Variants in PCDHGB4 observed in about 807,000 individuals in gnomAD.
PCDHGB4 encodes protocadherin gamma-B4.
Under a neutral mutation model 60.5 loss-of-function variants are expected in PCDHGB4, and 38 were observed. That is an observed-to-expected ratio of 0.63 (90% CI 0.48 to 0.82). The LOEUF (loss-of-function observed/expected upper bound fraction) is 0.82, where lower values mean the gene tolerates loss of function less well. PCDHGB4 is among the 40% of genes least tolerant of loss of function. The probability of loss-of-function intolerance (pLI) is 0.00; values close to 1 mark genes in which losing one functional copy is unlikely to be tolerated. For missense variants in PCDHGB4, 1,109 were observed against 1,209.6 expected (o/e 0.92, Z 1.23); for synonymous variants, 456 against 509.7 (o/e 0.89, Z 1.42).
intron 3 of PCDHGB4, among the ~76,000 whole-genome samples, chr5:141,507,891 C>A (rs1031803854): frequency 6.6e-6 from 1 of 152,208 alleles, no homozygotes; most frequent in African/African-American, 2.4e-5. Flanking sequence ...AGAGAGGTTC[C>A]TGAAGTCCAG....
Position 141,394,604 on chromosome 5 carries a change from C to T in PCDHGB4, c.2397+4323C>T, listed in dbSNP as rs1589234871. On this transcript the variant is annotated intron_variant, in intron 1 of 3. Transcript: ENST00000519479. ...CCAAGGTGGTGGCGGTGGACAGAGA[C>T]TCGGGCCAGAACGCCTGGCTGTCCT... is the stretch of plus-strand genomic sequence containing the variant. 10 of 1,613,590 alleles carry T rather than the reference C, an allele frequency of 6.2e-6. No homozygotes were observed. The East Asian group carries it at 2.0e-4, about 32-fold the overall frequency.
At chr5:141,478,483 G>A in intron 1 of PCDHGB4, 13 of 1,613,548 alleles carry the variant, frequency 8.1e-6, no homozygotes, top group Non-Finnish European at 1.1e-5. Flanking sequence ...AGAACACGCT[G>A]CGGAGCTGTG....
chr5:141,433,921 T>G (rs1203867326), intron 1 of PCDHGB4, among the ~76,000 whole-genome samples: 2 of 152,012 alleles, frequency 1.3e-5, no homozygotes, highest in African/African-American at 4.8e-5. Flanking sequence ...CACCTCCAAA[T>G]GAAGATTTTA....
rs1335023784 is a variant in PCDHGB4 at position 141,490,877 on chromosome 5, C to CCAA, written c.2398-3927_2398-3925dup. 2.5e-6 allele frequency: 4 copies of CCAA among 1,613,762 alleles called. No homozygotes were observed. Among genetic ancestry groups the CCAA allele is most frequent in the Non-Finnish European group, 3.4e-6 (4 of 1,179,908 alleles). On this transcript the variant is annotated intron_variant, in intron 1 of 3. Transcript: ENST00000519479. This position sits in a 1 kb window ranked among gnomAD's most constrained non-coding sequence, Gnocchi z 5.4. ...GACTCCGGCTCTCCCCCATTGCATG[C>CCAA]CAACACATCTCTGCATGTGTTTGTC...
Position 141,489,407 on chromosome 5 carries a change from T to C in PCDHGB4, c.2398-5400T>C. On this transcript the variant is annotated intron_variant, in intron 1 of 3. Transcript: ENST00000519479. This position sits in a 1 kb window ranked among gnomAD's most constrained non-coding sequence, Gnocchi z 4.5. ...GTTGCTCAGGATCTGGGCTTAAAGA[T>C]GACAGATCTGTTGAGCCGGCGGCTG... 6.2e-7 allele frequency: 1 copy of C among 1,614,140 alleles called. No individual in the cohort carries two copies.
Position 141,511,035 on chromosome 5 carries a change from C to A in PCDHGB4, c.2634C>A (p.His878Gln). Residue 878 changes from histidine to glutamine, a missense_variant, in exon 4 of 4, where the codon CAC becomes CAA. Physicochemically the swap from His to Gln is conservative, Grantham distance 24 (BLOSUM62 0). Transcript: ENST00000519479. The stretch of plus-strand genomic sequence containing the variant: ...ACGGACCCCAGTTCACCCTGCAGCA[C>A]GTGCCCGACTACCGCCAGAATGTCT... ...ARYGPQFTLQ[H>Q]VPDYRQNVYI... 2 of 1,614,208 alleles carry A rather than the reference C, an allele frequency of 1.2e-6. No individual in the cohort carries two copies. The highest frequency in any genetic ancestry group is 1.1e-5 in the South Asian group (1 of 91,088).
Position 141,476,500 on chromosome 5 carries a change from C to A in PCDHGB4, c.2398-18307C>A. The A allele has an allele frequency of 6.2e-7, 1 of 1,613,874 alleles. No homozygotes were observed. The highest frequency in any genetic ancestry group is 8.5e-7 in the Non-Finnish European group (1 of 1,179,950). ...GCGTGGAAGTGGTGATCCAGGACAT[C>A]AACGACAACAATCCTGCTTTCCCTA... On this transcript the variant is annotated intron_variant, in intron 1 of 3. Coordinates refer to ENST00000519479, the MANE Select transcript of PCDHGB4 (RefSeq NM_003736.4). The surrounding 1 kb of genome is among the most constrained non-coding windows in gnomAD (Gnocchi z 7.6).
At position 141,508,670 on chromosome 5, in the gene PCDHGB4, C is replaced by A. The variant is rs184838473; in HGVS notation, c.2546-2277C>A. The stretch of plus-strand genomic sequence containing the variant: ...GGCCCTTCCTGTCATTCTGTCTCTG[C>A]CTCCCTTCTCCCTGCTTCTCCGTGT... On this transcript the variant is annotated intron_variant, in intron 3 of 3. Coordinates refer to ENST00000519479, the MANE Select transcript of PCDHGB4 (RefSeq NM_003736.4). Among the ~76,000 whole-genome samples the A allele has an allele frequency of 3.7e-3, 564 of 152,202 alleles. 5 individuals are homozygous for A. The highest frequency in any genetic ancestry group is 0.011 in the Admixed American group (164 of 15,294).
intron 1 of PCDHGB4, among the ~76,000 whole-genome samples, chr5:141,406,795 C>G (rs1277584347): frequency 6.6e-6 from 1 of 152,204 alleles, no homozygotes; most frequent in African/African-American, 2.4e-5. Context: ...TTATTTCTGG[C>G]TCAATTCTCC....
chr5:141,414,184 G>C (rs1228749194), intron 1 of PCDHGB4: 3 of 1,609,416 alleles, frequency 1.9e-6, no homozygotes, highest in Non-Finnish European at 2.5e-6. Flanking sequence ...AACTGCAAAA[G>C]TGTTGATTAC....
At chr5:141,395,926 A>G (rs2093327122) in intron 1 of PCDHGB4, 1 of 152,218 alleles carries the variant, frequency 6.6e-6, no homozygotes, top group South Asian at 2.1e-4. Flanking sequence ...TCTAAAGCCT[A>G]GAATGTCCAT....
intron 1 of PCDHGB4, among the ~76,000 whole-genome samples, chr5:141,445,738 T>G (rs553879167): frequency 9.9e-5 from 15 of 152,122 alleles, no homozygotes; most frequent in Non-Finnish European, 1.9e-4. Context: ...AAAGATCTTT[T>G]TAAAAAATAA....
Position 141,490,481 on chromosome 5 carries a change from G to A in PCDHGB4, c.2398-4326G>A, listed in dbSNP as rs771164683. 8.7e-6 allele frequency: 14 copies of A among 1,614,060 alleles called. No homozygotes were observed. The highest frequency in any genetic ancestry group is 4.0e-5 in the African/African-American group (3 of 74,928). ...CTGCTAACCAGCCAGCCTTTGGACCGGGAGGCCACATCCCACTATATCATC... is the reference window on the plus strand; with the variant it reads ...CTGCTAACCAGCCAGCCTTTGGACCAGGAGGCCACATCCCACTATATCATC... On this transcript the variant is annotated intron_variant, in intron 1 of 3. Transcript: ENST00000519479. The surrounding 1 kb of genome is among the most constrained non-coding windows in gnomAD (Gnocchi z 5.4).
rs762783104 is a variant in PCDHGB4 at position 141,485,601 on chromosome 5, G to A, written c.2398-9206G>A. 4.3e-6 allele frequency: 7 copies of A among 1,612,290 alleles called. No homozygotes were observed. The highest frequency in any genetic ancestry group is 5.9e-6 in the Non-Finnish European group (7 of 1,178,722). On this transcript the variant is annotated intron_variant, in intron 1 of 3. Transcript: ENST00000519479. The surrounding 1 kb of genome is among the most constrained non-coding windows in gnomAD (Gnocchi z 5.7). ...CGGCAGCAGCTGGACTTGGAAATTG[G>A]GGAGGCAGCTCCTCCAGGACAGCGT...
At position 141,487,550 on chromosome 5, in the gene PCDHGB4, G is replaced by A. The variant is rs762537798; in HGVS notation, c.2398-7257G>A. 1 of 1,614,160 alleles carries A rather than the reference G, an allele frequency of 6.2e-7. No individual in the cohort carries two copies. The highest frequency in any genetic ancestry group is 1.1e-5 in the South Asian group (1 of 91,082). ...CTTCATGATGGTGAAGTCACCCAGT[G>A]CACCTATGGCAGGGGAGCCTGTTCG... On this transcript the variant is annotated intron_variant, in intron 1 of 3. Transcript: ENST00000519479. The surrounding 1 kb of genome is among the most constrained non-coding windows in gnomAD (Gnocchi z 5.0).
chr5:141,505,618 A>G, intron 3 of PCDHGB4, 137 bp downstream of exon 3: 6 of 1,496,136 alleles, frequency 4.0e-6, no homozygotes, highest in Non-Finnish European at 5.4e-6. Flanking sequence ...GAAAGGACCC[A>G]CAATTCCAAA....
rs778052844 is a variant in PCDHGB4, at chr5:141,486,259, T to C, written c.2398-8548T>C. ...CAGAGCTTGGAACCCTCCCCGAGAG[T>C]GCAGAACCTGGCACTGTGGTGGCAC... is the stretch of plus-strand genomic sequence containing the variant. On this transcript the variant is annotated intron_variant, in intron 1 of 3. Coordinates refer to ENST00000519479, the MANE Select transcript of PCDHGB4 (RefSeq NM_003736.4). This position sits in a 1 kb window ranked among gnomAD's most constrained non-coding sequence, Gnocchi z 5.0. 1 of 1,613,204 alleles carries C rather than the reference T, an allele frequency of 6.2e-7. No individual in the cohort carries two copies. The highest frequency in any genetic ancestry group is 8.5e-7 in the Non-Finnish European group (1 of 1,179,716).
intron 1 of PCDHGB4, chr5:141,413,874 T>C: frequency 6.2e-7 from 1 of 1,613,424 alleles, no homozygotes; most frequent in Non-Finnish European, 8.5e-7. Context: ...TCCTTGTCAG[T>C]GTGACTGTCT....
chr5:141,510,222 G>A (rs891688596), intron 3 of PCDHGB4, among the ~76,000 whole-genome samples: 3 of 151,498 alleles, frequency 2.0e-5, no homozygotes, highest in Admixed American at 6.6e-5. Context: ...GCAGTGAGCC[G>A]GGATCGCGCC....
Sources: gnomAD v4.1 joint callset for allele counts (sites outside exome capture counted in the v4.1 genomes callset) on GRCh38, gnomAD v4.1.1 for gene constraint, Gnocchi (gnomAD v3.1) non-coding constraint, MANE v1.5 for transcripts, NCBI Gene and HGNC (gene_info 2026-07-23, HGNC 2026-07-21) for gene names.